The following FRMD6 variants were observed in gnomAD, a reference collection of about 807,000 sequenced individuals.
FRMD6 encodes FERM domain containing 6.
In FRMD6, 37 loss-of-function variants were observed where a neutral mutation model predicts 73.2. The ratio of observed to expected loss-of-function variants is 0.51; its 90% CI spans 0.39 to 0.66. The LOEUF (loss-of-function observed/expected upper bound fraction) is 0.66. Ranked by LOEUF, FRMD6 falls within the 30% of genes least tolerant of loss-of-function variation. The probability of loss-of-function intolerance (pLI) is 0.00; values close to 1 mark genes in which losing one functional copy is unlikely to be tolerated. For synonymous variants in FRMD6, 273 were observed against 282.2 expected (o/e 0.97, Z 0.33); for missense variants, 714 against 780.5 (o/e 0.91, Z 1.02).
intron 12 of FRMD6, among the ~76,000 whole-genome samples, chr14:51,724,463 G>A (rs532647750): frequency 2.0e-5 from 3 of 152,272 alleles, no homozygotes; most frequent in African/African-American, 7.2e-5. Flanking sequence ...GATAAAGATC[G>A]TTCTAGATCC....
intron 12 of FRMD6, among the ~76,000 whole-genome samples, chr14:51,725,559 C>T (rs927767648): frequency 3.3e-5 from 5 of 152,214 alleles, no homozygotes; most frequent in African/African-American, 1.2e-4. Flanking sequence ...CATCTTCTTA[C>T]ACTCTAACCC....
At chr14:51,573,780 C>G (rs1171436405) in intron 2 of FRMD6, among the ~76,000 whole-genome samples, 1 of 152,172 alleles carries the variant, frequency 6.6e-6, no homozygotes, top group Admixed American at 6.5e-5. Context: ...AGGCAGATGA[C>G]TACTTACCAA....
chr14:51,720,597 A>G, intron 11 of FRMD6: 1 of 571,306 alleles, frequency 1.8e-6, no homozygotes, highest in Non-Finnish European at 3.1e-6. Flanking sequence ...CTTTGCGGCC[A>G]CAAGACTGGA....
At chr14:51,531,154 A>G (rs1885560708) in intron 1 of FRMD6, among the ~76,000 whole-genome samples, 1 of 152,140 alleles carries the variant, frequency 6.6e-6, no homozygotes, top group Admixed American at 6.5e-5. Context: ...ACCTCCCAAC[A>G]CTGTTGCATT....
chr14:51,474,698 T>A, the FRMD6 span, among the ~76,000 whole-genome samples: 1 of 152,052 alleles, frequency 6.6e-6, no homozygotes, highest in Non-Finnish European at 1.5e-5. Context: ...TTGAGAAGGA[T>A]CTTGAGAGAC....
At chr14:51,471,461 A>G in the FRMD6 span, among the ~76,000 whole-genome samples, 2 of 151,458 alleles carry the variant, frequency 1.3e-5, no homozygotes, top group Non-Finnish European at 2.9e-5. Context: ...AGATAGCGCC[A>G]CTGCACTCCA....
chr14:51,598,849 T>A (rs1889861819), intron 2 of FRMD6, among the ~76,000 whole-genome samples: 1 of 152,194 alleles, frequency 6.6e-6, no homozygotes, highest in Non-Finnish European at 1.5e-5. Context: ...AGTGCTGCAC[T>A]GAACATACAA....
chr14:51,695,521 G>A (rs1895887276), intron 2 of FRMD6, among the ~76,000 whole-genome samples: 1 of 152,138 alleles, frequency 6.6e-6, no homozygotes, highest in Non-Finnish European at 1.5e-5. Context: ...CATTTATACA[G>A]TTTTCCTAAA....
rs900932479 is a variant in FRMD6, at chr14:51,669,025, G to A, written c.-147+17029G>A. The stretch of plus-strand genomic sequence containing the variant: ...CAATAATAAAATAAACAAATTTTAA[G>A]TAGATAATTTGATGAGTTTTGACAA... On this transcript the variant is annotated intron_variant, in intron 1 of 13. Transcript: ENST00000344768. Among the ~76,000 whole-genome samples, 10 of 152,288 alleles carry A rather than the reference G, an allele frequency of 6.6e-5. No individual in the cohort carries two copies. In the East Asian group the frequency reaches 1.2e-3, roughly 18 times the overall value.
At chr14:51,474,670 G>T in the FRMD6 span, among the ~76,000 whole-genome samples, 1 of 152,172 alleles carries the variant, frequency 6.6e-6, no homozygotes, top group African/African-American at 2.4e-5. Flanking sequence ...CCACACTGGG[G>T]AGTGATGCAG....
intron 2 of FRMD6, among the ~76,000 whole-genome samples, chr14:51,606,006 G>A (rs1194796970): frequency 6.6e-6 from 1 of 152,158 alleles, no homozygotes; most frequent in Admixed American, 6.5e-5. Context: ...TGATAATGCA[G>A]CCAGAAGTAT....
chr14:51,499,945 C>T (rs12432710), intron 1 of FRMD6, among the ~76,000 whole-genome samples: 64,633 of 151,834 alleles, frequency 0.43, 14,252 homozygotes, highest in East Asian at 0.58. Context: ...TGGCCCTGAA[C>T]CCTGGCTAGA....
intron 1 of FRMD6, among the ~76,000 whole-genome samples, chr14:51,537,495 T>C (rs1400354844): frequency 2.6e-5 from 4 of 152,178 alleles, no homozygotes; most frequent in Admixed American, 2.6e-4. Context: ...TAGACTTAAG[T>C]TTTCATTTCA....
At chr14:51,493,673 G>A (rs1023177513) in intron 1 of FRMD6, among the ~76,000 whole-genome samples, 1 of 152,128 alleles carries the variant, frequency 6.6e-6, no homozygotes, top group African/African-American at 2.4e-5. Context: ...ACGAGGAAAT[G>A]TCAATGAAAT....
the FRMD6 span, chr14:51,454,818 A>T: frequency 7.3e-6 from 1 of 137,346 alleles, no homozygotes; most frequent in Non-Finnish European, 1.7e-5. Context: ...GTTAGGTCCT[A>T]TAATTAAAAA....
At chr14:51,409,814 C>T in the FRMD6 span, among the ~76,000 whole-genome samples, 5 of 152,108 alleles carry the variant, frequency 3.3e-5, no homozygotes, top group Non-Finnish European at 7.4e-5. Flanking sequence ...GCCCAGGACT[C>T]CTTGGCTCAA....
intron 1 of FRMD6, among the ~76,000 whole-genome samples, chr14:51,494,846 G>C (rs1018749314): frequency 1.3e-5 from 2 of 152,160 alleles, no homozygotes; most frequent in African/African-American, 4.8e-5. Flanking sequence ...CCTGGTTTCT[G>C]TTTAGATAGT....
intron 10 of FRMD6, among the ~76,000 whole-genome samples, chr14:51,716,682 C>T (rs1190656065): frequency 6.6e-6 from 1 of 152,220 alleles, no homozygotes; most frequent in Admixed American, 6.5e-5. Flanking sequence ...CTGCCACAAA[C>T]TGCCTGTGTC....
intron 2 of FRMD6, among the ~76,000 whole-genome samples, chr14:51,635,092 G>C (rs1279902707): frequency 6.6e-6 from 1 of 152,086 alleles, no homozygotes; most frequent in Non-Finnish European, 1.5e-5. Context: ...CCAGTATTAA[G>C]CAGGCAGAGA....
Sources: gnomAD v4.1 joint callset for allele counts (sites outside exome capture counted in the v4.1 genomes callset) on GRCh38, gnomAD v4.1.1 for gene constraint, MANE v1.5 for transcripts, NCBI Gene and HGNC (gene_info 2026-07-23, HGNC 2026-07-21) for gene names.